The following FAM120B variants were observed in gnomAD, a reference collection of about 807,000 sequenced individuals.
FAM120B encodes family with sequence similarity 120 member B, also known as constitutive coactivator of peroxisome proliferator-activated receptor gamma.
In FAM120B, 83 loss-of-function variants were observed where a neutral mutation model predicts 96.3. The observed-to-expected ratio is 0.86, with a 90% CI of 0.72 to 1.03. The LOEUF is 1.03. FAM120B is among the 50% of genes least tolerant of loss of function. The pLI is 0.00. For missense variants in FAM120B, 1,027 were observed against 1,121.2 expected (o/e 0.92, Z 1.20); for synonymous variants, 407 against 402.7 (o/e 1.01, Z -0.13).
At chr6:170,304,505 T>C (rs1448344257), upstream of FAM120B, among the ~76,000 whole-genome samples, 2 of 151,844 alleles carry the variant, frequency 1.3e-5, no homozygotes, top group African/African-American at 4.9e-5. Context: ...TCTTTTATCT[T>C]TCTCTTTCAT....
intron 4 of FAM120B, chr6:170,330,769 G>A (rs901159314): frequency 3.3e-5 from 18 of 543,336 alleles, no homozygotes; most frequent in Non-Finnish European, 5.3e-5. Context: ...CTGCGGCGGT[G>A]CTCTGCCTCT....
At chr6:170,368,745 G>C (rs1054466390) in intron 6 of FAM120B, among the ~76,000 whole-genome samples, 17 of 136,836 alleles carry the variant, frequency 1.2e-4, no homozygotes, top group Non-Finnish European at 2.5e-4. Flanking sequence ...TAAAACCACA[G>C]ACATTCCCTT....
rs76471749 is a variant in FAM120B, at chr6:170,391,160, G to A, written c.2599+39G>A. On this transcript the variant is annotated intron_variant, in intron 8 of 10. Coordinates refer to ENST00000476287, the MANE Select transcript of FAM120B (RefSeq NM_032448.3). Reference sequence around the variant, plus strand: ...AGGTGCCTCTAGAAGCCCCACAAGCGTAGACCCTAACTGCTTCCTGAGTTT... The same window carrying A: ...AGGTGCCTCTAGAAGCCCCACAAGCATAGACCCTAACTGCTTCCTGAGTTT... 1.5e-4 allele frequency: 210 copies of A among 1,375,664 alleles called. 3 individuals carry two copies. The East Asian group carries it at 3.3e-3, about 22-fold the overall frequency. The allele number at this position is 1,375,664 out of a possible 1,614,324, so 85.2% of individuals were successfully genotyped here.
intron 9 of FAM120B, among the ~76,000 whole-genome samples, chr6:170,396,931 G>A (rs1451531876): frequency 3.3e-5 from 5 of 152,382 alleles, no homozygotes; most frequent in Non-Finnish European, 4.4e-5. Flanking sequence ...TGCCCTAGGC[G>A]ACTCTGGCCT....
intron 6 of FAM120B, among the ~76,000 whole-genome samples, chr6:170,385,084 A>G (rs1446809603): frequency 6.6e-6 from 1 of 152,252 alleles, no homozygotes; most frequent in Non-Finnish European, 1.5e-5. Context: ...AATTGACTAG[A>G]TGACAGCTCA....
At position 170,405,632 on chromosome 6, in the gene FAM120B, CA is replaced by C. The variant is rs1778777589; in HGVS notation, c.*882del. ...TTTCTAATCAGAAATTCTAATCAAA[CA>C]TAAGTTTCCAACTATGTGTTCTCTT... On this transcript the variant is annotated 3_prime_UTR_variant, in exon 11 of 11. Transcript: ENST00000476287. The C allele has an allele frequency of 6.6e-6, 1 of 152,212 alleles. No homozygotes were observed. Among genetic ancestry groups the C allele is most frequent in the African/African-American group, 2.4e-5 (1 of 41,454 alleles). The allele number at this position is 152,212 out of a possible 1,614,324, so 9.4% of individuals were successfully genotyped here. A position where few individuals can be genotyped will look rare whatever the true frequency, so the allele number is the denominator to read the frequency against.
intron 6 of FAM120B, among the ~76,000 whole-genome samples, chr6:170,387,132 A>G (rs1437095189): frequency 6.6e-6 from 1 of 152,166 alleles, no homozygotes; most frequent in Non-Finnish European, 1.5e-5. Flanking sequence ...CTTTTTAAAA[A>G]CGAGTGTTGT....
At chr6:170,376,099 AG>A (rs1385180262) in intron 6 of FAM120B, among the ~76,000 whole-genome samples, 3 of 152,176 alleles carry the variant, frequency 2.0e-5, no homozygotes, top group African/African-American at 7.2e-5. Context: ...GGTCATGTTC[AG>A]GAAGTGAAAT....
At chr6:170,352,312 A>G (rs1410479994) in intron 5 of FAM120B, among the ~76,000 whole-genome samples, 1 of 152,042 alleles carries the variant, frequency 6.6e-6, no homozygotes, top group Non-Finnish European at 1.5e-5. Flanking sequence ...CCACAAAGAG[A>G]CTCCCACACA....
At position 170,377,777 on chromosome 6, in the gene FAM120B, G is replaced by A. The variant is rs146473817; in HGVS notation, c.2284-10510G>A. Among the ~76,000 whole-genome samples, 1,021 of 132,842 alleles carry A rather than the reference G, an allele frequency of 7.7e-3. 117 individuals carry two copies. The East Asian group carries it at 0.093, about 12-fold the overall frequency. The allele number at this position is 132,842 out of a possible 152,430, so 87.1% of individuals were successfully genotyped here. ...ACGCTGCTCTGTGCTGTGCACACGC[G>A]TCCCTAATCCCAGATGCCTGGGAGA... On this transcript the variant is annotated intron_variant, in intron 6 of 10. Transcript: ENST00000476287.
At chr6:170,303,284 G>A (rs535135963), upstream of FAM120B, among the ~76,000 whole-genome samples, 1 of 152,274 alleles carries the variant, frequency 6.6e-6, no homozygotes, top group East Asian at 1.9e-4. Flanking sequence ...CTGTCACCCA[G>A]GCTGGAGTGT....
At chr6:170,340,830 A>G (rs368547646) in intron 4 of FAM120B, among the ~76,000 whole-genome samples, 1 of 152,158 alleles carries the variant, frequency 6.6e-6, no homozygotes, top group East Asian at 1.9e-4. Context: ...CAGAACAGCA[A>G]ATATTGCTGC....
chr6:170,379,813 G>C (rs918636834), intron 6 of FAM120B, among the ~76,000 whole-genome samples: 1 of 152,176 alleles, frequency 6.6e-6, no homozygotes, highest in Non-Finnish European at 1.5e-5. Context: ...TTGTTTGTTT[G>C]TTTTTCCAAA....
At chr6:170,334,708 T>C (rs1432234000) in intron 4 of FAM120B, among the ~76,000 whole-genome samples, 1 of 152,198 alleles carries the variant, frequency 6.6e-6, no homozygotes, top group East Asian at 1.9e-4. Flanking sequence ...AAAGCAGTTT[T>C]TCACCAACTT....
At chr6:170,329,127 T>C (rs6909300) in intron 3 of FAM120B, among the ~76,000 whole-genome samples, 52,607 of 152,150 alleles carry the variant, frequency 0.35, 10,791 homozygotes, top group East Asian at 0.9. Context: ...CCCTATATCC[T>C]GATAGCTCTC....
Position 170,295,660 on chromosome 6 carries a change from C to G in FAM120B, c.48+207C>G, listed in dbSNP as rs762715168. On this transcript the variant is annotated intron_variant, in intron 1 of 10. Coordinates refer to the FAM120B transcript ENST00000537664. This position sits in a 1 kb window ranked among gnomAD's most constrained non-coding sequence, Gnocchi z 7.8. ...GGCCGCGGCTGCGCCGCTGGAGACC[C>G]GGCGAGTGACTTCCCCGGTGCGGCC... Among the ~76,000 whole-genome samples the G allele has an allele frequency of 9.2e-5, 14 of 152,218 alleles. No homozygotes were observed. Among genetic ancestry groups the G allele is most frequent in the Non-Finnish European group, 1.9e-4 (13 of 68,030 alleles).
In FAM120B at chr6:170,317,540, A is replaced by G; in HGVS notation, c.150A>G (p.Arg50=). Residue 50 remains arginine, a synonymous_variant, in exon 2 of 11, where the codon AGA becomes AGG. Coordinates refer to ENST00000476287, the MANE Select transcript of FAM120B (RefSeq NM_032448.3). The part of the protein sequence containing the change: ...TIVVDAMCCL[R]YWYTPESWIC... ...TGGTTGATGCCATGTGTTGTCTCAG[A>G]TATTGGTATACTCCAGAATCTTGGA... 6.2e-7 allele frequency: 1 copy of G among 1,614,200 alleles called. No individual in the cohort carries two copies.
chr6:170,385,715 C>T lies in FAM120B; in HGVS notation c.2284-2572C>T, dbSNP rs76430845. Reference sequence around the variant, plus strand: ...GCAACCCTATTCATAACTACCAAAACTTGGAAGCAGCCAAGATGTCCTTCA... The same window carrying T: ...GCAACCCTATTCATAACTACCAAAATTTGGAAGCAGCCAAGATGTCCTTCA... On this transcript the variant is annotated intron_variant, in intron 6 of 10. Transcript: ENST00000476287. 0.055 allele frequency among the ~76,000 whole-genome samples: 8,437 copies of T among 152,270 alleles called. 1,143 individuals are homozygous for T. In the East Asian group the frequency reaches 0.57, roughly 10 times the overall value.
Position 170,404,556 on chromosome 6 carries a change from G to GA in FAM120B, c.2700dup (p.Gln901ThrfsTer3). ...TCATGTCTGTTTACTGCAGGAAGCAGACAGTATGAGCATGACCAGTGGAGA... is the reference window on the plus strand; with the variant it reads ...TCATGTCTGTTTACTGCAGGAAGCAGAACAGTATGAGCATGACCAGTGGAGA... On this transcript the variant is annotated frameshift_variant, in exon 10 of 11. Transcript: ENST00000476287. LOFTEE classifies it high-confidence loss of function. 6.2e-7 allele frequency: 1 copy of GA among 1,613,992 alleles called. No homozygotes were observed. Among genetic ancestry groups the GA allele is most frequent in the Non-Finnish European group, 8.5e-7 (1 of 1,179,912 alleles).
Sources: gnomAD v4.1 joint callset for allele counts (sites outside exome capture counted in the v4.1 genomes callset) on GRCh38, gnomAD v4.1.1 for gene constraint, Gnocchi (gnomAD v3.1) non-coding constraint, MANE v1.5 for transcripts, NCBI Gene and HGNC (gene_info 2026-07-23, HGNC 2026-07-21) for gene names.